The following LRRC27 variants were observed in gnomAD, a reference collection of about 807,000 sequenced individuals.
LRRC27 encodes the protein leucine-rich repeat-containing protein 27.
Under a neutral mutation model 55.0 loss-of-function variants are expected in LRRC27, and 57 were observed. That is an observed-to-expected ratio of 1.04 (90% CI 0.84 to 1.29). LRRC27 has a LOEUF of 1.29. LRRC27 is among the 50% of genes most tolerant of loss of function. The pLI is 0.00. For synonymous variants in LRRC27, 278 were observed against 251.9 expected (o/e 1.10, Z -0.98); for missense variants, 721 against 651.5 (o/e 1.11, Z -1.16).
At chr10:132,332,114 A>C, upstream of LRRC27, 1 of 198,228 alleles carries the variant, frequency 5.0e-6, no homozygotes, top group Non-Finnish European at 1.0e-5. Flanking sequence ...CGCATCACAG[A>C]CACACTCGCG....
intron 7 of LRRC27, 63 bp from the exon 8 acceptor site, chr10:132,355,727 G>A (rs2068276963): frequency 1.6e-6 from 2 of 1,237,534 alleles, no homozygotes; most frequent in Non-Finnish European, 2.3e-6. Context: ...AATGACAGAG[G>A]AATCCTGTAG....
At position 132,337,654 on chromosome 10, in the gene LRRC27, CA is replaced by C; in HGVS notation, c.302del (p.Asn101IlefsTer16). ...PNLTWLDLRY[N>X]RIKALPSGIG... is the part of the protein sequence containing the mutation. ...ACCTGACTTGGCTGGACCTCCGGTACAATAGAATTAAAGCGCTTCCTTCTGG... is the reference window on the plus strand; with the variant it reads ...ACCTGACTTGGCTGGACCTCCGGTACATAGAATTAAAGCGCTTCCTTCTGG... On this transcript the variant is annotated frameshift_variant, in exon 3 of 11. Transcript: ENST00000368614. LOFTEE classifies it high-confidence loss of function. 1 of 1,614,158 alleles carries C rather than the reference CA, an allele frequency of 6.2e-7. No individual in the cohort carries two copies. The highest frequency in any genetic ancestry group is 8.5e-7 in the Non-Finnish European group (1 of 1,180,026).
intron 2 of LRRC27, among the ~76,000 whole-genome samples, chr10:132,335,651 G>A (rs1043754108): frequency 6.6e-6 from 1 of 151,992 alleles, no homozygotes; most frequent in African/African-American, 2.4e-5. Context: ...TTCCTCCCCT[G>A]GTTCCTCATA....
intron 9 of LRRC27, among the ~76,000 whole-genome samples, chr10:132,363,853 G>T (rs1564852101): frequency 2.0e-5 from 3 of 152,156 alleles, no homozygotes; most frequent in Non-Finnish European, 4.4e-5. Flanking sequence ...GGCATGTTCT[G>T]TTCCTGCAGA....
At chr10:132,349,067 TGTG>T (rs759652966) in intron 6 of LRRC27, 1 of 1,589,270 alleles carries the variant, frequency 6.3e-7, no homozygotes, top group East Asian at 2.3e-5. Flanking sequence ...GGTATGTATC[TGTG>T]GTGTGCGTGT....
chr10:132,361,022 G>A (rs2068589959), intron 8 of LRRC27, among the ~76,000 whole-genome samples: 1 of 152,358 alleles, frequency 6.6e-6, no homozygotes. Flanking sequence ...CACAGCGAGT[G>A]TTGGGTCCTC....
At chr10:132,347,569 G>A (rs2067772513) in intron 5 of LRRC27, among the ~76,000 whole-genome samples, 1 of 151,870 alleles carries the variant, frequency 6.6e-6, no homozygotes, top group African/African-American at 2.4e-5. Flanking sequence ...AGAGTCAGGT[G>A]TGCTCGGTGG....
chr10:132,351,161 C>A, intron 6 of LRRC27: 1 of 167,106 alleles, frequency 6.0e-6, no homozygotes, highest in Non-Finnish European at 1.3e-5. Context: ...TTCCGACCTG[C>A]TGCAGCACCA....
At chr10:132,332,321 G>A (rs571046850) in intron 1 of LRRC27, 65 bp downstream of exon 1, 76 of 152,984 alleles carry the variant, frequency 5.0e-4, no homozygotes, top group Middle Eastern at 6.8e-3. Context: ...GGAAGGTGGT[G>A]CCTCGGCCCG....
chr10:132,355,715 A>T, intron 7 of LRRC27, 75 bp from the exon 8 acceptor site: 1 of 1,140,912 alleles, frequency 8.8e-7, no homozygotes, highest in Non-Finnish European at 1.3e-6. Context: ...GCAAGGCTGT[A>T]GAATGACAGA....
chr10:132,366,351 C>A (rs1329923290), intron 10 of LRRC27: 1 of 152,700 alleles, frequency 6.5e-6, no homozygotes, highest in Non-Finnish European at 1.5e-5. Context: ...GCCTCCTAAG[C>A]AGAACTGCTC....
At position 132,376,782 on chromosome 10, in the gene LRRC27, G is replaced by T. The variant is rs887563226; in HGVS notation, c.*1540G>T. 6.6e-6 allele frequency: 1 copy of T among 152,268 alleles called. No homozygotes were observed. Among genetic ancestry groups the T allele is most frequent in the Non-Finnish European group, 1.5e-5 (1 of 68,058 alleles). The allele number at this position is 152,268 out of a possible 1,614,324, so 9.4% of individuals were successfully genotyped here. A position where few individuals can be genotyped will look rare whatever the true frequency, so the allele number is the denominator to read the frequency against. ...GGGTACATTGTTTTGTGTGTGTCAG[G>T]TGACATTGACTAATCCTGTTGCTCA... is the stretch of plus-strand genomic sequence containing the variant. On this transcript the variant is annotated 3_prime_UTR_variant, in exon 11 of 11. Coordinates refer to ENST00000368614, the MANE Select transcript of LRRC27 (RefSeq NM_030626.3).
upstream of LRRC27, chr10:132,332,054 C>T (rs1043102951): frequency 3.2e-6 from 1 of 317,074 alleles, no homozygotes; most frequent in Non-Finnish European, 5.8e-6. Context: ...GCACAAACCC[C>T]CACAACACGC....
At chr10:132,336,907 T>A (rs1443398752) in intron 2 of LRRC27, 2 of 668,632 alleles carry the variant, frequency 3.0e-6, no homozygotes, top group Non-Finnish European at 5.3e-6. Context: ...GACTGTAAAA[T>A]TGTGTGAATG....
intron 10 of LRRC27, among the ~76,000 whole-genome samples, chr10:132,368,198 TA>T (rs1418537190): frequency 6.6e-6 from 1 of 152,202 alleles, no homozygotes; most frequent in Non-Finnish European, 1.5e-5. Context: ...AATAACTGAA[TA>T]AATGGACAGA....
At chr10:132,351,391 G>T in intron 6 of LRRC27, 1 of 584,530 alleles carries the variant, frequency 1.7e-6, no homozygotes, top group Non-Finnish European at 3.1e-6. Flanking sequence ...CAGTGGGCGC[G>T]TTGGGACAGT....
intron 9 of LRRC27, among the ~76,000 whole-genome samples, chr10:132,364,783 C>T (rs2068954314): frequency 4.0e-5 from 5 of 123,692 alleles, no homozygotes; most frequent in Admixed American, 3.1e-4. Context: ...TCTACCTCCA[C>T]GCCCACACTC....
At chr10:132,367,813 T>C (rs2069131363) in intron 10 of LRRC27, among the ~76,000 whole-genome samples, 1 of 152,208 alleles carries the variant, frequency 6.6e-6, no homozygotes, top group Non-Finnish European at 1.5e-5. Flanking sequence ...GGCAAAGATA[T>C]TCCCTCTCAC....
At position 132,365,411 on chromosome 10, in the gene LRRC27, C is replaced by T. The variant is rs767772220; in HGVS notation, c.1290-13C>T. 1.9e-6 allele frequency: 3 copies of T among 1,613,040 alleles called. No individual in the cohort carries two copies. The highest frequency in any genetic ancestry group is 3.3e-5 in the Admixed American group (2 of 59,976). ...GTGTCAAGTCATTTCCCTCTTTGCCCTTTGTTTCTCAGTGCCCTGCAGGAG... is the reference window on the plus strand; with the variant it reads ...GTGTCAAGTCATTTCCCTCTTTGCCTTTTGTTTCTCAGTGCCCTGCAGGAG... On this transcript the variant is annotated splice_polypyrimidine_tract_variant and intron_variant, in intron 9 of 10. Coordinates refer to ENST00000368614, the MANE Select transcript of LRRC27 (RefSeq NM_030626.3).
Sources: allele counts gnomAD v4.1 joint callset (sites outside exome capture counted in the v4.1 genomes callset), GRCh38; gene constraint gnomAD v4.1.1; transcripts MANE v1.5; gene names NCBI Gene and HGNC (gene_info 2026-07-23, HGNC 2026-07-21).